PELI2: variants seen among roughly 807,000 people sequenced by gnomAD.
The protein encoded by PELI2 is E3 ubiquitin-protein ligase pellino homolog 2.
In PELI2, 23 loss-of-function variants were observed where a neutral mutation model predicts 42.3. The observed-to-expected ratio is 0.54, with a 90% confidence interval of 0.39 to 0.77. The LOEUF is 0.77. PELI2 is among the 30% of genes least tolerant of loss of function. The probability of loss-of-function intolerance (pLI) is 0.00; values close to 1 mark genes in which losing one functional copy is unlikely to be tolerated. For missense variants in PELI2, 463 were observed against 553.2 expected, an observed-to-expected ratio of 0.84 and a Z score of 1.64; for synonymous variants, 245 against 212.2, an observed-to-expected ratio of 1.15 and a Z score of -1.34.
rs555663669 is a variant in PELI2 at position 56,165,436 on chromosome 14, T to A, written c.78-12899T>A. 4.6e-5 allele frequency among the ~76,000 whole-genome samples: 7 copies of A among 152,282 alleles called. No individual in the cohort carries two copies. The South Asian group carries it at 1.0e-3, about 23-fold the overall frequency. Reference sequence around the variant, plus strand: ...AATGTTTTAAGACTTGTTTAACATTTGTTTTCAAATAGCCTGTCTTCAAGC... The same window carrying A: ...AATGTTTTAAGACTTGTTTAACATTAGTTTTCAAATAGCCTGTCTTCAAGC... On this transcript the variant is annotated intron_variant, in intron 1 of 5. Transcript: ENST00000267460.
At chr14:56,252,027 G>A (rs775718066) in intron 2 of PELI2, among the ~76,000 whole-genome samples, 2 of 152,188 alleles carry the variant, frequency 1.3e-5, no homozygotes, top group Non-Finnish European at 2.9e-5. Context: ...ATAGCACAGG[G>A]TAATAATGTC....
At chr14:56,195,707 C>T (rs1886106470) in intron 2 of PELI2, among the ~76,000 whole-genome samples, 1 of 152,216 alleles carries the variant, frequency 6.6e-6, no homozygotes, top group Admixed American at 6.5e-5. Context: ...ACTTTCCCAC[C>T]TTGGCTGTGT....
At chr14:56,210,969 G>A (rs1407561093) in intron 2 of PELI2, among the ~76,000 whole-genome samples, 2 of 152,138 alleles carry the variant, frequency 1.3e-5, no homozygotes. Context: ...GGTAGGTATT[G>A]CTCCCACCCT....
chr14:56,279,736 G>A lies in PELI2; in HGVS notation c.268G>A (p.Val90Met), dbSNP rs1889412822. 1 of 1,603,752 alleles carries A rather than the reference G, an allele frequency of 6.2e-7. No individual in the cohort carries two copies. Among genetic ancestry groups the A allele is most frequent in the Non-Finnish European group, 8.5e-7 (1 of 1,171,052 alleles). Reference sequence around the variant, plus strand: ...CACTTTGTCAAGGAATCAGACTGTGGTGGTGGAGTACACACATGATAAGGA... The same window carrying A: ...CACTTTGTCAAGGAATCAGACTGTGATGGTGGAGTACACACATGATAAGGA... Reference protein sequence around the residue: ...SYTLSRNQTVVVEYTHDKDTD... With the variant: ...SYTLSRNQTVMVEYTHDKDTD... Residue 90 changes from valine (V) to methionine (M), a missense_variant, in exon 3 of 6, where the codon GTG (valine) becomes ATG (methionine). By Grantham distance (21) the Val-to-Met change is conservative. Coordinates refer to ENST00000267460, the MANE Select transcript of PELI2 (RefSeq NM_021255.3).
chr14:56,274,647 TAGTTTTG>T (rs1889226136), intron 2 of PELI2, among the ~76,000 whole-genome samples: 1 of 152,198 alleles, frequency 6.6e-6, no homozygotes, highest in Non-Finnish European at 1.5e-5. Flanking sequence ...TCCCTGACAT[TAGTTTTG>T]AGTTGTAAGT....
chr14:56,185,134 G>T (rs1220147302), intron 2 of PELI2, among the ~76,000 whole-genome samples: 1 of 152,026 alleles, frequency 6.6e-6, no homozygotes, highest in Non-Finnish European at 1.5e-5. Context: ...CTGTGATTAG[G>T]TGATTATCCT....
In PELI2 at chr14:56,266,776, A is replaced by G. The variant is rs79174384; in HGVS notation, c.208-12900A>G. Among the ~76,000 whole-genome samples, 582 of 152,212 alleles carry G rather than the reference A, an allele frequency of 3.8e-3. 2 individuals carry two copies. Among genetic ancestry groups the G allele is most frequent in the Middle Eastern group, 0.017 (5 of 294 alleles). ...CTATAGATATATTTCCCTGTATGCAAAACGAATATCTGCATATTTGTTGCA... is the reference window on the plus strand; with the variant it reads ...CTATAGATATATTTCCCTGTATGCAGAACGAATATCTGCATATTTGTTGCA... On this transcript the variant is annotated intron_variant, in intron 2 of 5. Coordinates refer to ENST00000267460, the MANE Select transcript of PELI2 (RefSeq NM_021255.3).
intron 1 of PELI2, among the ~76,000 whole-genome samples, chr14:56,176,737 C>T (rs2139665015): frequency 6.6e-6 from 1 of 152,334 alleles, no homozygotes; most frequent in South Asian, 2.1e-4. Context: ...CTGTCAAGTG[C>T]ACCTGCCATA....
At chr14:56,140,351 C>T (rs893848674) in intron 1 of PELI2, among the ~76,000 whole-genome samples, 3 of 152,114 alleles carry the variant, frequency 2.0e-5, no homozygotes, top group Non-Finnish European at 4.4e-5. Context: ...TAAATGAAAG[C>T]CATTTGAATA....
chr14:56,184,635 G>T (rs1479713030), intron 2 of PELI2, among the ~76,000 whole-genome samples: 1 of 151,998 alleles, frequency 6.6e-6, no homozygotes, highest in East Asian at 1.9e-4. Flanking sequence ...GATGGTAATA[G>T]AAATAGTGAA....
At chr14:56,291,791 C>A (rs1381209111) in intron 5 of PELI2, among the ~76,000 whole-genome samples, 1 of 152,208 alleles carries the variant, frequency 6.6e-6, no homozygotes. Flanking sequence ...GAAGTAGAGT[C>A]ATCCCCATTT....
At chr14:56,201,763 T>G (rs1456944002) in intron 2 of PELI2, among the ~76,000 whole-genome samples, 1 of 152,232 alleles carries the variant, frequency 6.6e-6, no homozygotes, top group African/African-American at 2.4e-5. Context: ...GCAAGCTAAC[T>G]ATGTACAATA....
intron 2 of PELI2, among the ~76,000 whole-genome samples, chr14:56,238,483 A>G (rs1159484315): frequency 6.6e-6 from 1 of 152,206 alleles, no homozygotes; most frequent in Non-Finnish European, 1.5e-5. Context: ...CAGTGGTAAT[A>G]GCAGTTGAAG....
intron 1 of PELI2, among the ~76,000 whole-genome samples, chr14:56,176,142 T>G (rs1384444013): frequency 2.0e-5 from 3 of 152,200 alleles, no homozygotes; most frequent in Non-Finnish European, 4.4e-5. Flanking sequence ...GCCATTTCAT[T>G]CAAACGTGGT....
chr14:56,157,078 C>T (rs1229428219), intron 1 of PELI2, among the ~76,000 whole-genome samples: 4 of 152,180 alleles, frequency 2.6e-5, no homozygotes, highest in African/African-American at 9.7e-5. Flanking sequence ...TTATTGTATT[C>T]ATGTATTTTC....
chr14:56,178,886 G>T (rs978645594), intron 2 of PELI2, among the ~76,000 whole-genome samples: 2 of 152,112 alleles, frequency 1.3e-5, no homozygotes, highest in Non-Finnish European at 1.5e-5. Context: ...TTAAATCTGG[G>T]TATAAACCTC....
chr14:56,156,098 A>T (rs1035811474), intron 1 of PELI2, among the ~76,000 whole-genome samples: 23 of 152,338 alleles, frequency 1.5e-4, no homozygotes, highest in African/African-American at 5.5e-4. Context: ...TACGTGAAAT[A>T]AATATTGTTT....
intron 2 of PELI2, among the ~76,000 whole-genome samples, chr14:56,226,706 A>C (rs1290195693): frequency 6.6e-6 from 1 of 152,198 alleles, no homozygotes; most frequent in Non-Finnish European, 1.5e-5. Flanking sequence ...GTGCCCTTTA[A>C]TTTATTTTAC....
chr14:56,232,841 A>G (rs1307334380), intron 2 of PELI2, among the ~76,000 whole-genome samples: 1 of 150,382 alleles, frequency 6.6e-6, no homozygotes, highest in African/African-American at 2.4e-5. Flanking sequence ...AGATGACATG[A>G]TTGTCTATTT....
Sources: gnomAD v4.1 joint callset for allele counts (sites outside exome capture counted in the v4.1 genomes callset) on GRCh38, gnomAD v4.1.1 for gene constraint, MANE v1.5 for transcripts, NCBI Gene and HGNC (gene_info 2026-07-23, HGNC 2026-07-21) for gene names.